DMXL2: variants seen among roughly 807,000 people sequenced by gnomAD.
The protein encoded by DMXL2 is Dmx like 2, also known as dmX-like protein 2.
A neutral mutation model predicts 331.1 loss-of-function variants in DMXL2; 103 were observed. The ratio of observed to expected loss-of-function variants is 0.31; its 90% CI spans 0.27 to 0.37. The LOEUF (loss-of-function observed/expected upper bound fraction) is 0.37, where lower values mean the gene tolerates loss of function less well. Ranked by LOEUF, DMXL2 falls within the 10% of genes least tolerant of loss-of-function variation. DMXL2 has a pLI of 1.00. For missense variants in DMXL2, 3,171 were observed against 3,642.9 expected, an observed-to-expected ratio of 0.87 and a Z score of 3.33; for synonymous variants, 1,281 against 1,252.1, an observed-to-expected ratio of 1.02 and a Z score of -0.49.
chr15:51,474,285 A>C (rs1484835667), intron 28 of DMXL2, 59 bp downstream of exon 28: 2 of 1,497,604 alleles, frequency 1.3e-6, no homozygotes, highest in Non-Finnish European at 1.8e-6. Context: ...ATTAAAAAAA[A>C]TTTTAACATT....
In DMXL2 at chr15:51,517,180, AAC is replaced by A. The variant is rs754458895; in HGVS notation, c.2437-15_2437-14del. The A allele has an allele frequency of 6.2e-7, 1 of 1,601,256 alleles. No homozygotes were observed. Among genetic ancestry groups the A allele is most frequent in the Non-Finnish European group, 8.6e-7 (1 of 1,168,350 alleles). On this transcript the variant is annotated splice_polypyrimidine_tract_variant and intron_variant, in intron 13 of 43. Transcript: ENST00000560891. The stretch of plus-strand genomic sequence containing the variant: ...CTCCAATAAGTTTCTGTAAATAAAA[AAC>A]ACAAAATGTTAATGGCCAACAAATT...
In DMXL2 at chr15:51,478,430, G is replaced by A. The variant is rs139145340; in HGVS notation, c.6757-83C>T. On this transcript the variant is annotated intron_variant, in intron 25 of 43. Transcript: ENST00000560891. ...ATTTCAAAAATTAGAAAACATCCAG[G>A]AAACCTAGCAACATCATAAATAAGA... is the stretch of plus-strand genomic sequence containing the variant. 3,287 of 1,196,534 alleles carry A rather than the reference G, an allele frequency of 2.7e-3. 26 individuals carry two copies. The highest frequency in any genetic ancestry group is 0.022 in the Admixed American group (1,140 of 51,666). The allele number at this position is 1,196,534 out of a possible 1,614,324, so 74.1% of individuals were successfully genotyped here. A position where few individuals can be genotyped will look rare whatever the true frequency, so the allele number is the denominator to read the frequency against.
intron 1 of DMXL2, among the ~76,000 whole-genome samples, chr15:51,614,414 T>C (rs995029540): frequency 1.2e-4 from 19 of 152,234 alleles, no homozygotes; most frequent in Non-Finnish European, 2.1e-4. Context: ...TAATTCATTA[T>C]ATACTTAAGT....
intron 6 of DMXL2, among the ~76,000 whole-genome samples, chr15:51,554,497 G>A (rs2049423725): frequency 6.6e-6 from 1 of 152,180 alleles, no homozygotes; most frequent in South Asian, 2.1e-4. Context: ...TTTTTCCAGT[G>A]ATTCTGACAA....
intron 24 of DMXL2, 93 bp from the exon 25 acceptor site, chr15:51,480,232 G>T: frequency 3.2e-6 from 4 of 1,253,242 alleles, no homozygotes; most frequent in Non-Finnish European, 4.4e-6. Flanking sequence ...TTGTGTAAAG[G>T]GAATATGTTC....
intron 1 of DMXL2, among the ~76,000 whole-genome samples, chr15:51,618,443 C>G (rs1169426283): frequency 6.6e-6 from 1 of 151,466 alleles, no homozygotes; most frequent in African/African-American, 2.4e-5. Context: ...TTTTATTCTA[C>G]AATAGAGTTA....
Position 51,478,308 on chromosome 15 carries a change from A to T in DMXL2, c.6796T>A (p.Ser2266Thr). The T allele has an allele frequency of 6.2e-7, 1 of 1,613,232 alleles. No individual in the cohort carries two copies. The highest frequency in any genetic ancestry group is 8.5e-7 in the Non-Finnish European group (1 of 1,179,478). Residue 2266 changes from serine (S) to threonine (T), a missense_variant, in exon 26 of 44, where the codon TCA (serine) becomes ACA (threonine). Ser to Thr is a moderately conservative substitution (Grantham distance 58, BLOSUM62 1). This residue lies in a region of DMXL2 where 18 missense variants were observed against 40.9 expected (regional missense o/e 0.44). Transcript: ENST00000560891. The stretch of plus-strand genomic sequence containing the variant: ...CTGTCACATAATGCTTGGTAAATTG[A>T]TGCAGAAAGTGATGCTGCTAGTGAA... ...LHSLAASLSA[S>T]IYQALCDSHS...
chr15:51,500,179 C>A lies in DMXL2; in HGVS notation c.3045G>T (p.Val1015=), dbSNP rs949943398. ...IYPVCLAPYL[V]VTTCSDNKVR... ...CTTTATTGTCAGAACAAGTTGTAAC[C>A]ACTAAATAAGGTGCAAGGCACACTG... Residue 1015 remains valine, a synonymous_variant, in exon 18 of 44, where the codon GTG becomes GTT. Transcript: ENST00000560891. 7 of 1,613,902 alleles carry A rather than the reference C, an allele frequency of 4.3e-6. No homozygotes were observed. Among genetic ancestry groups the A allele is most frequent in the Non-Finnish European group, 5.9e-6 (7 of 1,179,970 alleles).
At position 51,568,547 on chromosome 15, in the gene DMXL2, T is replaced by C. The variant is rs760608162; in HGVS notation, c.225A>G (p.Ser75=). Residue 75 remains serine (S), a synonymous_variant, in exon 3 of 44, where the codon TCA becomes TCG. Transcript: ENST00000560891. ...CSNQQGRIAA[S]YGNAVCIFEP... ...CAAATATACAAACAGCATTACCATA[T>C]GAAGCTGCAATCTAAAAAAGAATAA... 2 of 1,574,094 alleles carry C rather than the reference T, an allele frequency of 1.3e-6. No homozygotes were observed. Among genetic ancestry groups the C allele is most frequent in the African/African-American group, 1.4e-5 (1 of 72,304 alleles).
At chr15:51,456,469 G>A in intron 37 of DMXL2, 100 bp from the exon 38 acceptor site, 1 of 738,534 alleles carries the variant, frequency 1.4e-6, no homozygotes, top group Non-Finnish European at 2.2e-6. Context: ...CTTACACCTT[G>A]CTTATTACTG....
intron 34 of DMXL2, chr15:51,459,201 G>T: frequency 5.1e-6 from 1 of 195,002 alleles, no homozygotes; most frequent in Non-Finnish European, 1.1e-5. Flanking sequence ...ACCACCCTTT[G>T]AAGTAAGGGT....
At position 51,500,122 on chromosome 15, in the gene DMXL2, G is replaced by T. The variant is rs375142338; in HGVS notation, c.3102C>A (p.Asn1034Lys). The change falls in exon 18 of 44, where the codon AAC becomes AAA. Residue 1034 changes from asparagine (N) to lysine (K), a missense_variant. Asn to Lys is a moderately conservative substitution (Grantham distance 94). Around this residue, in one of 7 missense-constraint regions of DMXL2, gnomAD observed 1,674 missense variants for 1,780.2 expected, o/e 0.94. Transcript: ENST00000560891. ...TCTCATCACTTTTATTACACTCTGGGTTGGCTTCCATACAACATTTCCAGA... is the reference window on the plus strand; with the variant it reads ...TCTCATCACTTTTATTACACTCTGGTTTGGCTTCCATACAACATTTCCAGA... The part of the protein sequence containing the change: ...VRFWKCCMEA[N>K]PECNKSDEKE... 70 of 1,613,906 alleles carry T rather than the reference G, an allele frequency of 4.3e-5. No individual in the cohort carries two copies. The highest frequency in any genetic ancestry group is 5.6e-5 in the Non-Finnish European group (66 of 1,180,008).
chr15:51,487,727 G>C (rs1353907314), intron 22 of DMXL2, among the ~76,000 whole-genome samples: 1 of 152,158 alleles, frequency 6.6e-6, no homozygotes, highest in Non-Finnish European at 1.5e-5. Context: ...CAAAGAGCTG[G>C]GATTACAGGC....
chr15:51,555,164 A>C (rs1450768551), intron 6 of DMXL2, among the ~76,000 whole-genome samples: 1 of 152,224 alleles, frequency 6.6e-6, no homozygotes, highest in East Asian at 1.9e-4. Context: ...TCTCAAAAAA[A>C]CAATTTTTTA....
chr15:51,600,495 C>T (rs1256204686), intron 1 of DMXL2, among the ~76,000 whole-genome samples: 1 of 152,184 alleles, frequency 6.6e-6, no homozygotes, highest in African/African-American at 2.4e-5. Flanking sequence ...CTCTTTCATC[C>T]CATCCACTGG....
chr15:51,594,132 GT>G (rs2052607071), intron 1 of DMXL2, among the ~76,000 whole-genome samples: 2 of 152,124 alleles, frequency 1.3e-5, no homozygotes, highest in Admixed American at 6.6e-5. Context: ...CCAGAAGCTG[GT>G]TTTTTGAAAA....
At chr15:51,455,094 C>A in intron 40 of DMXL2, 57 bp downstream of exon 40, 2 of 1,362,638 alleles carry the variant, frequency 1.5e-6, no homozygotes, top group Non-Finnish European at 2.1e-6. Context: ...CTGAAACAGA[C>A]ACTTCATGAA....
chr15:51,508,182 TA>T (rs1335806111), intron 15 of DMXL2, among the ~76,000 whole-genome samples: 1 of 151,462 alleles, frequency 6.6e-6, no homozygotes. Flanking sequence ...TGTTTGGGGG[TA>T]GGGGGCTAGG....
At chr15:51,548,428 C>G (rs554570573) in intron 6 of DMXL2, among the ~76,000 whole-genome samples, 3 of 151,980 alleles carry the variant, frequency 2.0e-5, no homozygotes, top group Non-Finnish European at 4.4e-5. Flanking sequence ...TTTAATTATA[C>G]AGCAAATCTT....
Sources: allele counts gnomAD v4.1 joint callset (sites outside exome capture counted in the v4.1 genomes callset), GRCh38; gene constraint gnomAD v4.1.1; regional missense constraint gnomAD v4.1.1; transcripts MANE v1.5; gene names NCBI Gene and HGNC (gene_info 2026-07-23, HGNC 2026-07-21).